The following ANKRD44 variants were observed in gnomAD, a reference collection of about 807,000 sequenced individuals.
ANKRD44 encodes the protein serine/threonine-protein phosphatase 6 regulatory ankyrin repeat subunit B.
A neutral mutation model predicts 116.0 loss-of-function variants in ANKRD44; 35 were observed. The observed-to-expected ratio is 0.30, with a 90% CI of 0.23 to 0.40. The LOEUF (loss-of-function observed/expected upper bound fraction) is 0.40, where lower values mean the gene tolerates loss of function less well. Ranked by LOEUF, ANKRD44 falls within the 10% of genes least tolerant of loss-of-function variation. The pLI is 1.00. For missense variants in ANKRD44, 1,014 were observed against 1,242.6 expected, an observed-to-expected ratio of 0.82 and a Z score of 2.77; for synonymous variants, 435 against 461.8, an observed-to-expected ratio of 0.94 and a Z score of 0.74.
intron 21 of ANKRD44, among the ~76,000 whole-genome samples, chr2:196,973,432 A>G (rs1291510448): frequency 6.6e-6 from 1 of 152,096 alleles, no homozygotes; most frequent in East Asian, 1.9e-4. Flanking sequence ...AAAATTTCAC[A>G]TTTTTATATA....
intron 16 of ANKRD44, among the ~76,000 whole-genome samples, chr2:197,041,479 C>T (rs1293540941): frequency 6.6e-6 from 1 of 152,158 alleles, no homozygotes; most frequent in Non-Finnish European, 1.5e-5. Flanking sequence ...TTCAAGCCAC[C>T]TCAAGACTGT....
At chr2:196,994,669 C>T (rs924081709) in intron 26 of ANKRD44, 1 of 152,146 alleles carries the variant, frequency 6.6e-6, no homozygotes, top group Non-Finnish European at 1.5e-5. Context: ...CACCCACCAT[C>T]ATGCCCAGCT....
chr2:197,177,095 G>A (rs914078774), intron 2 of ANKRD44, among the ~76,000 whole-genome samples: 1 of 152,072 alleles, frequency 6.6e-6, no homozygotes, highest in Non-Finnish European at 1.5e-5. Flanking sequence ...ATTTAAACAT[G>A]TCTTTTAAGA....
chr2:197,270,239 C>G (rs1267869321), intron 1 of ANKRD44, among the ~76,000 whole-genome samples: 1 of 152,042 alleles, frequency 6.6e-6, no homozygotes, highest in African/African-American at 2.4e-5. Flanking sequence ...AGGTAAAGAT[C>G]AGAGTTAAGG....
At position 197,201,543 on chromosome 2, in the gene ANKRD44, T is replaced by TC. The variant is rs936610486; in HGVS notation, c.28-14438dup. ...CACACTCCCCTCTCCTCACCAACAA[T>TC]CCCCCTGACGTTGGCTCTGAATGAT... On this transcript the variant is annotated intron_variant, in intron 1 of 27. Coordinates refer to ENST00000282272, the MANE Select transcript of ANKRD44 (RefSeq NM_001195144.2). This position sits in a 1 kb window ranked among gnomAD's most constrained non-coding sequence, Gnocchi z 4.0. 6.6e-6 allele frequency among the ~76,000 whole-genome samples: 1 copy of TC among 152,006 alleles called. No homozygotes were observed. The highest frequency in any genetic ancestry group is 1.5e-5 in the Non-Finnish European group (1 of 68,012).
intron 21 of ANKRD44, among the ~76,000 whole-genome samples, chr2:196,979,965 C>G (rs1378267535): frequency 6.6e-6 from 1 of 152,202 alleles, no homozygotes. Flanking sequence ...AGGACACTCT[C>G]AGATCACCAG....
intron 2 of ANKRD44, among the ~76,000 whole-genome samples, chr2:197,156,547 T>A (rs2125475013): frequency 6.6e-6 from 1 of 152,322 alleles, no homozygotes; most frequent in Admixed American, 6.5e-5. Context: ...GTTTGGCAAT[T>A]TCTTAAAAAC....
chr2:197,218,751 C>CTTTTTTTTTTTTTTTT lies in ANKRD44; in HGVS notation c.28-31661_28-31646dup, dbSNP rs138330364. Among the ~76,000 whole-genome samples the CTTTTTTTTTTTTTTTT allele has an allele frequency of 4.5e-3, 235 of 52,338 alleles. 40 individuals are homozygous for CTTTTTTTTTTTTTTTT. Among genetic ancestry groups the CTTTTTTTTTTTTTTTT allele is most frequent in the African/African-American group, 5.7e-3 (83 of 14,440 alleles). The allele number at this position is 52,338 out of a possible 152,430, so 34.3% of individuals were successfully genotyped here. On this transcript the variant is annotated intron_variant, in intron 1 of 27. Coordinates refer to ENST00000282272, the MANE Select transcript of ANKRD44 (RefSeq NM_001195144.2). ...TTCCTGGTATGGGAGGGTAAAGTCCCTTTTTTTTTTTTTTTTTTTTTTTTT... is the reference window on the plus strand; with the variant it reads ...TTCCTGGTATGGGAGGGTAAAGTCCCTTTTTTTTTTTTTTTTTTTTTTTTTTTTTTTTTTTTTTTTT...
chr2:197,301,414 CT>C (rs1279226926), intron 1 of ANKRD44: 2 of 152,202 alleles, frequency 1.3e-5, no homozygotes, highest in African/African-American at 4.8e-5. Context: ...GATACTTCCC[CT>C]GAAAAGAAAT....
chr2:197,179,354 G>C (rs11900623), intron 2 of ANKRD44, among the ~76,000 whole-genome samples: 1 of 151,704 alleles, frequency 6.6e-6, no homozygotes. Flanking sequence ...CCACCAAATC[G>C]CCCTGAATTT....
At chr2:197,285,371 A>G (rs2083379678) in intron 1 of ANKRD44, among the ~76,000 whole-genome samples, 1 of 152,110 alleles carries the variant, frequency 6.6e-6, no homozygotes, top group South Asian at 2.1e-4. Context: ...CTGGGTTCTG[A>G]TCAAAACACA....
At chr2:197,289,207 C>CA in intron 1 of ANKRD44, among the ~76,000 whole-genome samples, 1 of 152,058 alleles carries the variant, frequency 6.6e-6, no homozygotes, top group Non-Finnish European at 1.5e-5. Flanking sequence ...GAAAAAATAC[C>CA]AAAAAACTCA....
chr2:197,125,372 AATCCTTACCC>A lies in ANKRD44; in HGVS notation c.549_550+8del. 6.2e-7 allele frequency: 1 copy of A among 1,612,284 alleles called. No individual in the cohort carries two copies. Among genetic ancestry groups the A allele is most frequent in the Non-Finnish European group, 8.5e-7 (1 of 1,178,262 alleles). The stretch of plus-strand genomic sequence containing the variant: ...TCTGTACTTTGCTTTCCATGCATGG[AATCCTTACCC>A]ATGTATGCTGCCCAGTGCAGAGCAC... On this transcript the variant is annotated splice_donor_variant and splice_donor_5th_base_variant and coding_sequence_variant and intron_variant, in exon 6 of 28. Transcript: ENST00000282272. LOFTEE classifies it high-confidence loss of function.
At chr2:197,287,280 C>A (rs868069228) in intron 1 of ANKRD44, among the ~76,000 whole-genome samples, 1 of 151,898 alleles carries the variant, frequency 6.6e-6, no homozygotes, top group Non-Finnish European at 1.5e-5. Context: ...AAAAGTATAC[C>A]TTCTAGATGT....
intron 16 of ANKRD44, among the ~76,000 whole-genome samples, chr2:197,032,467 CA>C (rs1293361266): frequency 1.3e-5 from 2 of 150,866 alleles, no homozygotes; most frequent in South Asian, 4.2e-4. Context: ...CAGCTCACTG[CA>C]ACTTCCGCCT....
intron 17 of ANKRD44, chr2:197,015,221 G>A (rs2076369524): frequency 3.1e-6 from 1 of 317,788 alleles, no homozygotes. Context: ...CTGTTTCTAG[G>A]GAAGATTCTG....
chr2:197,054,468 T>C (rs2077167762), intron 16 of ANKRD44, among the ~76,000 whole-genome samples: 1 of 152,170 alleles, frequency 6.6e-6, no homozygotes, highest in African/African-American at 2.4e-5. Flanking sequence ...AAAGGAAACA[T>C]GTCCCCTTAA....
At chr2:197,172,006 T>C (rs1227896757) in intron 2 of ANKRD44, among the ~76,000 whole-genome samples, 2 of 150,288 alleles carry the variant, frequency 1.3e-5, no homozygotes, top group Admixed American at 6.6e-5. Context: ...CTTCTTTTTT[T>C]TTTTTTTTTT....
In ANKRD44 at chr2:196,987,410, A is replaced by G. The variant is rs1053997606; in HGVS notation, c.*2181T>C. The G allele has an allele frequency of 1.3e-5, 13 of 985,126 alleles. No individual in the cohort carries two copies. The highest frequency in any genetic ancestry group is 3.5e-5 in the African/African-American group (2 of 57,240). 61.0% of individuals were successfully genotyped at this position (985,126 alleles called of 1,614,324 possible). On this transcript the variant is annotated 3_prime_UTR_variant, in exon 28 of 28. Coordinates refer to ENST00000282272, the MANE Select transcript of ANKRD44 (RefSeq NM_001195144.2). ...ATTCCACAGAACATTTTCAGAATAT[A>G]CAAATATAAAAAGGCACTCTAACTT...
Sources: allele counts gnomAD v4.1 joint callset (sites outside exome capture counted in the v4.1 genomes callset), GRCh38; gene constraint gnomAD v4.1.1; non-coding constraint Gnocchi (gnomAD v3.1); transcripts MANE v1.5; gene names NCBI Gene and HGNC (gene_info 2026-07-23, HGNC 2026-07-21).